FBN1: variants seen among roughly 807,000 people sequenced by gnomAD.
FBN1 encodes fibrillin 1, also known as fibrillin-1.
Under a neutral mutation model 365.1 loss-of-function variants are expected in FBN1, and 29 were observed. The ratio of observed to expected loss-of-function variants is 0.08; its 90% CI spans 0.06 to 0.11. The LOEUF (loss-of-function observed/expected upper bound fraction) is 0.11. Ranked by LOEUF, FBN1 falls within the 10% of genes least tolerant of loss-of-function variation. FBN1 has a pLI of 1.00. For missense variants in FBN1, 2,476 were observed against 3,703.2 expected, an observed-to-expected ratio of 0.67 and a Z score of 8.60; for synonymous variants, 1,210 against 1,270.5, an observed-to-expected ratio of 0.95 and a Z score of 1.01.
Position 48,426,066 on chromosome 15 carries a change from A to C in FBN1, c.7205-202T>G, listed in dbSNP as rs534570517. ...TAAACAAATAACTTCATTAGACTAC[A>C]ATTGATAAAATAATTCAGCCACAGA... On this transcript the variant is annotated intron_variant, in intron 58 of 65. Transcript: ENST00000316623. Among the ~76,000 whole-genome samples the C allele has an allele frequency of 7.9e-5, 12 of 152,348 alleles. 1 individual carries two copies. In the South Asian group the frequency reaches 1.7e-3, roughly 21 times the overall value.
rs548022551 is a variant in FBN1, at chr15:48,512,055, T to C, written c.1588+1494A>G. Among the ~76,000 whole-genome samples the C allele has an allele frequency of 3.2e-4, 49 of 152,348 alleles. 1 individual carries two copies. Among genetic ancestry groups the C allele is most frequent in the African/African-American group, 8.4e-4 (35 of 41,588 alleles). On this transcript the variant is annotated intron_variant, in intron 13 of 65. Transcript: ENST00000316623. ...CCTATCCATATTTATAACTAATTAA[T>C]AGAAATGTTAGTGAGTTCAAAGTCC... is the stretch of plus-strand genomic sequence containing the variant.
intron 15 of FBN1, among the ~76,000 whole-genome samples, chr15:48,505,637 A>T (rs574620196): frequency 6.6e-6 from 1 of 152,316 alleles, no homozygotes; most frequent in South Asian, 2.1e-4. Context: ...AAGGATATAC[A>T]ACTAAAGCCT....
chr15:48,514,037 A>G (rs907711251), intron 12 of FBN1, among the ~76,000 whole-genome samples: 6 of 152,136 alleles, frequency 3.9e-5, no homozygotes, highest in African/African-American at 1.4e-4. Flanking sequence ...TTTTTTTCCA[A>G]TAAAAAGAAG....
chr15:48,452,790 T>C (rs1272090574), intron 44 of FBN1, 106 bp from the exon 45 acceptor site: 17 of 1,323,030 alleles, frequency 1.3e-5, no homozygotes, highest in Non-Finnish European at 1.6e-5. Context: ...ATCTGTTCTA[T>C]TGAAAAGACA....
At chr15:48,559,417 A>G (rs995624453) in intron 6 of FBN1, among the ~76,000 whole-genome samples, 1 of 152,144 alleles carries the variant, frequency 6.6e-6, no homozygotes, top group African/African-American at 2.4e-5. Context: ...ACTGAAACCC[A>G]AGAACTCTCT....
intron 35 of FBN1, among the ~76,000 whole-genome samples, chr15:48,471,539 T>C (rs903560146): frequency 6.6e-6 from 1 of 152,146 alleles, no homozygotes; most frequent in African/African-American, 2.4e-5. Context: ...AAGAGCATAA[T>C]CTGGTTTCTT....
chr15:48,435,800 GTGTGTGTGTGTA>G (rs2043067386), intron 53 of FBN1, among the ~76,000 whole-genome samples: 1 of 148,654 alleles, frequency 6.7e-6, no homozygotes, highest in South Asian at 2.1e-4. Context: ...GTGTGTGTGT[GTGTGTGTGTGTA>G]TATATGCCTT....
At chr15:48,518,903 C>G (rs1030122557) in intron 10 of FBN1, among the ~76,000 whole-genome samples, 1 of 152,186 alleles carries the variant, frequency 6.6e-6, no homozygotes, top group African/African-American at 2.4e-5. Context: ...CCCAAGGCCT[C>G]TGAGGGCTGT....
Position 48,470,204 on chromosome 15 carries a change from G to C in FBN1, c.4459+430C>G, listed in dbSNP as rs181663475. 3.6e-3 allele frequency among the ~76,000 whole-genome samples: 550 copies of C among 152,226 alleles called. 6 individuals carry two copies. The highest frequency in any genetic ancestry group is 0.013 in the African/African-American group (530 of 41,526). On this transcript the variant is annotated intron_variant, in intron 36 of 65. Transcript: ENST00000316623. The stretch of plus-strand genomic sequence containing the variant: ...TAGGTGGCTGAGCTCTGTGTACCCA[G>C]TACTCTGGTGACCACGAGCAGGGCA...
At chr15:48,412,451 C>G in intron 65 of FBN1, 118 bp downstream of exon 65, 2 of 1,035,874 alleles carry the variant, frequency 1.9e-6, no homozygotes, top group South Asian at 2.5e-5. Flanking sequence ...CAGGGAATGT[C>G]TGGAGTTTCT....
intron 34 of FBN1, 51 bp downstream of exon 34, chr15:48,474,204 G>A: frequency 3.1e-6 from 5 of 1,612,422 alleles, no homozygotes; most frequent in Non-Finnish European, 4.2e-6. Context: ...AATGTGGAAT[G>A]CCTGGCTTCT....
At chr15:48,603,492 G>A (rs570348491) in intron 4 of FBN1, among the ~76,000 whole-genome samples, 39 of 152,344 alleles carry the variant, frequency 2.6e-4, no homozygotes, top group African/African-American at 8.7e-4. Context: ...CACTGTACAC[G>A]CAGGAAATAG....
In FBN1 at chr15:48,573,357, G is replaced by C. The variant is rs116551819; in HGVS notation, c.538+22926C>G. 4.8e-3 allele frequency among the ~76,000 whole-genome samples: 723 copies of C among 152,190 alleles called. 8 individuals carry two copies. Among genetic ancestry groups the C allele is most frequent in the African/African-American group, 0.017 (689 of 41,532 alleles). ...CATTAATCTTAAAATGGTGCATAAA[G>C]TGATAGCTATCACATTGTTGTACTA... On this transcript the variant is annotated intron_variant, in intron 6 of 65. Transcript: ENST00000316623.
intron 51 of FBN1, 57 bp from the exon 52 acceptor site, chr15:48,437,444 C>A: frequency 6.9e-7 from 1 of 1,454,856 alleles, no homozygotes; most frequent in Non-Finnish European, 9.7e-7. Context: ...ACAAGCTTCT[C>A]CACAAGTATT....
At chr15:48,573,999 C>A (rs1166974074) in intron 6 of FBN1, among the ~76,000 whole-genome samples, 1 of 152,172 alleles carries the variant, frequency 6.6e-6, no homozygotes, top group South Asian at 2.1e-4. Context: ...AGCCTTGTCC[C>A]GACCGCACGG....
intron 10 of FBN1, among the ~76,000 whole-genome samples, chr15:48,518,815 C>G (rs148416350): frequency 6.6e-6 from 1 of 152,200 alleles, no homozygotes; most frequent in Non-Finnish European, 1.5e-5. Context: ...GAGCCCAGAT[C>G]TCTGTAGCAC....
intron 15 of FBN1, among the ~76,000 whole-genome samples, chr15:48,505,917 A>G (rs2043704231): frequency 6.6e-6 from 1 of 152,206 alleles, no homozygotes; most frequent in Admixed American, 6.5e-5. Flanking sequence ...GAAAACATAC[A>G]ACACTTAGAA....
intron 4 of FBN1, among the ~76,000 whole-genome samples, chr15:48,605,591 G>A (rs1291215861): frequency 3.3e-5 from 5 of 152,342 alleles, no homozygotes; most frequent in Non-Finnish European, 7.3e-5. Flanking sequence ...GGGCAAAAGA[G>A]GCCAGGCACA....
chr15:48,481,635 T>C lies in FBN1; in HGVS notation c.3964+20A>G, dbSNP rs1220834103. 1.2e-6 allele frequency: 2 copies of C among 1,613,022 alleles called. No individual in the cohort carries two copies. Among genetic ancestry groups the C allele is most frequent in the Admixed American group, 3.3e-5 (2 of 59,988 alleles). On this transcript the variant is annotated intron_variant, in intron 32 of 65. Transcript: ENST00000316623. ...CTCTTAACTACTTAATATTTTATTG[T>C]TCTACTTGAACAAACACACCTGTAC...
Sources: gnomAD v4.1 joint callset for allele counts (sites outside exome capture counted in the v4.1 genomes callset) on GRCh38, gnomAD v4.1.1 for gene constraint, MANE v1.5 for transcripts, NCBI Gene and HGNC (gene_info 2026-07-23, HGNC 2026-07-21) for gene names.